The following DPH6 variants were observed in gnomAD, a reference collection of about 807,000 sequenced individuals.
DPH6 encodes diphthine--ammonia ligase.
DPH6 carries 33 observed loss-of-function variants against 38.2 expected under a neutral mutation model. The ratio of observed to expected loss-of-function variants is 0.86; its 90% confidence interval spans 0.65 to 1.15. The LOEUF (loss-of-function observed/expected upper bound fraction) is 1.15, where lower values mean the gene tolerates loss of function less well. Among genes scored for constraint, DPH6 ranks in the 50% most tolerant of loss-of-function variants. DPH6 has a pLI of 0.00. For synonymous variants in DPH6, 108 were observed against 103.0 expected, an observed-to-expected ratio of 1.05 and a Z score of -0.30; for missense variants, 325 against 320.0, an observed-to-expected ratio of 1.02 and a Z score of -0.12.
intron 3 of DPH6, among the ~76,000 whole-genome samples, chr15:35,294,619 G>A (rs2052002742): frequency 6.6e-6 from 1 of 152,042 alleles, no homozygotes; most frequent in African/African-American, 2.4e-5. Flanking sequence ...TTATCTTTGT[G>A]TGCACCTACT....
intron 3 of DPH6, among the ~76,000 whole-genome samples, chr15:35,516,453 T>C (rs2054849061): frequency 6.6e-6 from 1 of 152,236 alleles, no homozygotes; most frequent in Non-Finnish European, 1.5e-5. Flanking sequence ...GTACTACTAC[T>C]AGTCTTACTT....
intron 3 of DPH6, chr15:35,298,112 C>A: frequency 3.5e-6 from 1 of 287,466 alleles, no homozygotes; most frequent in Non-Finnish European, 6.7e-6. Flanking sequence ...AGGGATCAAC[C>A]AACATATATC....
At chr15:35,279,496 A>G (rs2051884434) in intron 3 of DPH6, among the ~76,000 whole-genome samples, 1 of 152,138 alleles carries the variant, frequency 6.6e-6, no homozygotes, top group South Asian at 2.1e-4. Context: ...TGTTTGGGTC[A>G]TGAGGTCAGA....
chr15:35,492,423 T>C (rs1449225289), intron 3 of DPH6, among the ~76,000 whole-genome samples: 1 of 152,202 alleles, frequency 6.6e-6, no homozygotes, highest in Non-Finnish European at 1.5e-5. Context: ...CATGAGAATA[T>C]CTACCAGCTA....
chr15:35,520,683 T>C, intron 3 of DPH6: 1 of 985,130 alleles, frequency 1.0e-6, no homozygotes, highest in Non-Finnish European at 1.2e-6. Context: ...ATATCCTGAA[T>C]TGCTGAACCT....
At chr15:35,542,849 T>C (rs1437796611) in intron 1 of DPH6, among the ~76,000 whole-genome samples, 2 of 143,760 alleles carry the variant, frequency 1.4e-5, no homozygotes, top group Non-Finnish European at 3.0e-5. Flanking sequence ...TATATAATTA[T>C]ATATGAAATA....
intron 7 of DPH6, among the ~76,000 whole-genome samples, chr15:35,375,922 T>G (rs2052773129): frequency 6.6e-6 from 1 of 152,074 alleles, no homozygotes; most frequent in African/African-American, 2.4e-5. Flanking sequence ...TGAACCACTG[T>G]TTACCTCTCT....
chr15:35,327,642 T>C (rs7174898), downstream of DPH6, among the ~76,000 whole-genome samples: 4,573 of 152,226 alleles, frequency 0.03, 236 homozygotes, highest in African/African-American at 0.1. Context: ...AAAGGTTCTT[T>C]AAACAATAGC....
chr15:35,528,706 T>C (rs1398090773), intron 3 of DPH6, among the ~76,000 whole-genome samples: 2 of 152,214 alleles, frequency 1.3e-5, no homozygotes, highest in African/African-American at 2.4e-5. Flanking sequence ...AAATATACAA[T>C]GTAATAGCCT....
intron 3 of DPH6, among the ~76,000 whole-genome samples, chr15:35,336,330 G>A (rs966551322): frequency 6.7e-6 from 1 of 149,744 alleles, no homozygotes. Context: ...ATTTGGTCTT[G>A]TCACATAGTC....
At chr15:35,498,987 A>G (rs2054592097) in intron 3 of DPH6, among the ~76,000 whole-genome samples, 1 of 151,206 alleles carries the variant, frequency 6.6e-6, no homozygotes. Context: ...ATATATGTTA[A>G]TATATAGGCC....
intron 5 of DPH6, among the ~76,000 whole-genome samples, chr15:35,413,712 C>G (rs1369010233): frequency 6.6e-6 from 1 of 151,204 alleles, no homozygotes; most frequent in Non-Finnish European, 1.5e-5. Flanking sequence ...TTTGTTCCAC[C>G]CAATCTTATA....
rs141189421 is a variant in DPH6, at chr15:35,383,960, G to A, written c.568-2044C>T. ...TAGCACAAAAGCATGACGTATGCAT[G>A]TGATAGGTCAGTTTAGGTATGTGAA... is the stretch of plus-strand genomic sequence containing the variant. On this transcript the variant is annotated intron_variant, in intron 6 of 8. Coordinates refer to ENST00000256538, the MANE Select transcript of DPH6 (RefSeq NM_080650.4). Among the ~76,000 whole-genome samples, 207 of 152,338 alleles carry A rather than the reference G, an allele frequency of 1.4e-3. 1 individual carries two copies. Among genetic ancestry groups the A allele is most frequent in the Middle Eastern group, 3.4e-3 (1 of 294 alleles).
intron 3 of DPH6, among the ~76,000 whole-genome samples, chr15:35,314,837 T>A (rs1217634180): frequency 2.6e-5 from 4 of 152,190 alleles, no homozygotes; most frequent in Admixed American, 6.5e-5. Context: ...TTGATGGGAT[T>A]GTGACATGCG....
the DPH6 span, among the ~76,000 whole-genome samples, chr15:35,158,136 G>A: frequency 7.9e-5 from 12 of 151,986 alleles, no homozygotes; most frequent in Non-Finnish European, 1.6e-4. Context: ...TGTCTTCCAC[G>A]TTTCTGTAGT....
chr15:35,152,382 C>T, the DPH6 span, among the ~76,000 whole-genome samples: 1 of 152,098 alleles, frequency 6.6e-6, no homozygotes, highest in East Asian at 1.9e-4. Context: ...TTAAAAAAAA[C>T]TCTGAAAATT....
At chr15:35,375,100 A>C (rs1160798155) in intron 7 of DPH6, among the ~76,000 whole-genome samples, 1 of 152,082 alleles carries the variant, frequency 6.6e-6, no homozygotes, top group Non-Finnish European at 1.5e-5. Context: ...ATTCTTGACA[A>C]TGGGGTGCGC....
chr15:35,521,372 A>G lies in DPH6; in HGVS notation c.312+16902T>C, dbSNP rs1419277521. On this transcript the variant is annotated intron_variant, in intron 3 of 8. Transcript: ENST00000256538. ...ACAATCCTATGAACCAACTTTATAT[A>G]AATAGACTATATCATCTAAAGAATC... 3.8e-6 allele frequency: 4 copies of G among 1,040,334 alleles called. No individual in the cohort carries two copies. In the African/African-American group the frequency reaches 6.7e-5, roughly 17 times the overall value. The allele number at this position is 1,040,334 out of a possible 1,614,324, so 64.4% of individuals were successfully genotyped here. A position where few individuals can be genotyped will look rare whatever the true frequency, so the allele number is the denominator to read the frequency against.
At chr15:35,212,145 G>A in the DPH6 span, among the ~76,000 whole-genome samples, 1 of 152,186 alleles carries the variant, frequency 6.6e-6, no homozygotes, top group African/African-American at 2.4e-5. Context: ...CATATGAAGG[G>A]TCAGGGTACA....
Sources: allele counts gnomAD v4.1 joint callset (sites outside exome capture counted in the v4.1 genomes callset), GRCh38; gene constraint gnomAD v4.1.1; transcripts MANE v1.5; gene names NCBI Gene and HGNC (gene_info 2026-07-23, HGNC 2026-07-21).